ZNF483: variants seen among roughly 807,000 people sequenced by gnomAD.
The protein encoded by ZNF483 is zinc finger protein 483.
A neutral mutation model predicts 28.6 loss-of-function variants in ZNF483; 9 were observed. The ratio of observed to expected loss-of-function variants is 0.32; its 90% confidence interval spans 0.19 to 0.55. The LOEUF is 0.55. Among genes scored for constraint, ZNF483 ranks in the 20% least tolerant of loss-of-function variants. ZNF483 has a pLI of 0.93. For missense variants in ZNF483, 675 were observed against 871.7 expected (o/e 0.77, Z 2.84); for synonymous variants, 322 against 306.2 (o/e 1.05, Z -0.54).
chr9:111,543,793 T>A lies in ZNF483; in HGVS notation c.*623T>A. ...TTTTTTTTCTTTTTTTTTTTTCAAT[T>A]TTTCTTTTTTGGGATGGAGTCTCAC... On this transcript the variant is annotated 3_prime_UTR_variant, in exon 6 of 6. Coordinates refer to ENST00000309235, the MANE Select transcript of ZNF483 (RefSeq NM_133464.5). 1 of 941,584 alleles carries A rather than the reference T, an allele frequency of 1.1e-6. No individual in the cohort carries two copies. Among genetic ancestry groups the A allele is most frequent in the Non-Finnish European group, 1.3e-6 (1 of 790,484 alleles). The allele number at this position is 941,584 out of a possible 1,614,324, so 58.3% of individuals were successfully genotyped here.
At chr9:111,572,453 G>A (rs747737027) in intron 5 of ZNF483, among the ~76,000 whole-genome samples, 13 of 152,138 alleles carry the variant, frequency 8.5e-5, no homozygotes, top group Admixed American at 6.6e-5. Flanking sequence ...AGTCAGGCGT[G>A]ACGATTTGTG....
At position 111,543,581 on chromosome 9, in the gene ZNF483, C is replaced by T. The variant is rs7853000; in HGVS notation, c.*411C>T. ...ATTTGACCTTTCAGAATTTTATTTT[C>T]GTCACCAGCAGAATGAAGGGATGGG... is the stretch of plus-strand genomic sequence containing the variant. On this transcript the variant is annotated 3_prime_UTR_variant, in exon 6 of 6. Coordinates refer to ENST00000309235, the MANE Select transcript of ZNF483 (RefSeq NM_133464.5). The T allele has an allele frequency of 8.4e-4, 835 of 989,166 alleles. 3 individuals carry two copies. The African/African-American group carries it at 0.012, about 14-fold the overall frequency. 61.3% of individuals were successfully genotyped at this position (989,166 alleles called of 1,614,324 possible). A position where few individuals can be genotyped will look rare whatever the true frequency, so the allele number is the denominator to read the frequency against.
Position 111,554,435 on chromosome 9 carries a change from C to T in ZNF483, c.*11265C>T, listed in dbSNP as rs1828062182. Reference sequence around the variant, plus strand: ...TAGATTATTTCTACCACAGTCTGTTCTTTCGGTCACCAAACTCTTTCTTCC... The same window carrying T: ...TAGATTATTTCTACCACAGTCTGTTTTTTCGGTCACCAAACTCTTTCTTCC... On this transcript the variant is annotated 3_prime_UTR_variant, in exon 6 of 6. Transcript: ENST00000309235. 6.6e-6 allele frequency among the ~76,000 whole-genome samples: 1 copy of T among 152,212 alleles called. No homozygotes were observed. The highest frequency in any genetic ancestry group is 2.1e-4 in the South Asian group (1 of 4,834).
downstream of ZNF483, among the ~76,000 whole-genome samples, chr9:111,557,046 G>A (rs569503029): frequency 2.6e-5 from 4 of 152,292 alleles, no homozygotes; most frequent in Admixed American, 6.5e-5. Context: ...AAGGGCTGCC[G>A]CGAAGATCTC....
chr9:111,551,400 G>GTTTT lies in ZNF483; in HGVS notation c.*8252_*8255dup, dbSNP rs58638722. ...TAACTGAATCAAGTATCCAGTTTTT[G>GTTTT]TTTTTTTTTTTTTTTTTTTTTTTTT... On this transcript the variant is annotated 3_prime_UTR_variant, in exon 6 of 6. Transcript: ENST00000309235. 0.018 allele frequency among the ~76,000 whole-genome samples: 1,336 copies of GTTTT among 73,944 alleles called. 1 individual carries two copies. Among genetic ancestry groups the GTTTT allele is most frequent in the Middle Eastern group, 0.048 (3 of 62 alleles). The allele number at this position is 73,944 out of a possible 152,430, so 48.5% of individuals were successfully genotyped here. A position where few individuals can be genotyped will look rare whatever the true frequency, so the allele number is the denominator to read the frequency against.
At position 111,552,433 on chromosome 9, in the gene ZNF483, A is replaced by G. The variant is rs181945325; in HGVS notation, c.*9263A>G. ...CAAATATTTTCAGTATGTATCATGC[A>G]ATAGAATAGAGCAATGAGGGAAAAG... is the stretch of plus-strand genomic sequence containing the variant. On this transcript the variant is annotated 3_prime_UTR_variant, in exon 6 of 6. Coordinates refer to ENST00000309235, the MANE Select transcript of ZNF483 (RefSeq NM_133464.5). 7.0e-4 allele frequency among the ~76,000 whole-genome samples: 106 copies of G among 152,332 alleles called. No individual in the cohort carries two copies. The highest frequency in any genetic ancestry group is 2.5e-3 in the African/African-American group (102 of 41,586).
Position 111,533,826 on chromosome 9 carries a change from G to A in ZNF483, c.589G>A (p.Glu197Lys), listed in dbSNP as rs1390816494. 5.0e-6 allele frequency: 8 copies of A among 1,593,864 alleles called. No individual in the cohort carries two copies. Among genetic ancestry groups the A allele is most frequent in the Non-Finnish European group, 6.8e-6 (8 of 1,175,114 alleles). Residue 197 changes from glutamate (E) to lysine (K), a missense_variant, in exon 4 of 6, where the codon GAA becomes AAA. Glu to Lys is a moderately conservative substitution (Grantham distance 56, BLOSUM62 1). Around this residue, in one of 6 missense-constraint regions of ZNF483, gnomAD observed 525 missense variants for 581.8 expected, o/e 0.90. Transcript: ENST00000309235. ...LEPFQKELYK[E>K]VLLENLRNLE... ...GCCTTTTCAAAAGGAGCTATATAAG[G>A]AAGTGCTACTGGAAAACCTCAGGAA... is the stretch of plus-strand genomic sequence containing the variant.
chr9:111,566,032 T>C (rs1450270309), intron 5 of ZNF483, among the ~76,000 whole-genome samples: 1 of 151,846 alleles, frequency 6.6e-6, no homozygotes, highest in Non-Finnish European at 1.5e-5. Flanking sequence ...GCCAACATCG[T>C]GAAACCCCAT....
chr9:111,557,388 AGAT>A (rs1019737024), downstream of ZNF483, among the ~76,000 whole-genome samples: 1 of 151,920 alleles, frequency 6.6e-6, no homozygotes, highest in African/African-American at 2.4e-5. Context: ...AAAAAAAAAA[AGAT>A]GACTTGAACA....
intron 5 of ZNF483, chr9:111,563,274 T>C: frequency 6.4e-7 from 1 of 1,561,392 alleles, no homozygotes; most frequent in African/African-American, 1.4e-5. Flanking sequence ...AATTTAATAT[T>C]CTCAATGATA....
chr9:111,528,962 A>G (rs770014272), intron 2 of ZNF483, among the ~76,000 whole-genome samples: 2 of 152,090 alleles, frequency 1.3e-5, no homozygotes, highest in Non-Finnish European at 2.9e-5. Context: ...CCATACCAAC[A>G]TGGAGAAACC....
chr9:111,576,405 G>C (rs774230862), exon 6 of ZNF483: 1 of 1,614,142 alleles, frequency 6.2e-7, no homozygotes, highest in Non-Finnish European at 8.5e-7. Context: ...TGTTCTCTGA[G>C]GCTGAATAAG....
Position 111,525,183 on chromosome 9 carries a change from T to C in ZNF483, c.-208T>C, listed in dbSNP as rs2132202704. The C allele has an allele frequency of 6.6e-6, 1 of 152,410 alleles. No homozygotes were observed. Among genetic ancestry groups the C allele is most frequent in the East Asian group, 1.9e-4 (1 of 5,180 alleles). 9.4% of individuals were successfully genotyped at this position (152,410 alleles called of 1,614,324 possible). A position where few individuals can be genotyped will look rare whatever the true frequency, so the allele number is the denominator to read the frequency against. ...CGCAGGCGCAGTGGTTCCCGCAGGC[T>C]TGCGCGCGCACTCGCTGCGGGACAA... is the stretch of plus-strand genomic sequence containing the variant. On this transcript the variant is annotated 5_prime_UTR_variant, in exon 1 of 6. Coordinates refer to ENST00000309235, the MANE Select transcript of ZNF483 (RefSeq NM_133464.5).
chr9:111,550,099 G>T lies in ZNF483; in HGVS notation c.*6929G>T, dbSNP rs1019302300. Among the ~76,000 whole-genome samples the T allele has an allele frequency of 6.6e-6, 1 of 152,032 alleles. No individual in the cohort carries two copies. The highest frequency in any genetic ancestry group is 1.5e-5 in the Non-Finnish European group (1 of 68,016). On this transcript the variant is annotated 3_prime_UTR_variant, in exon 6 of 6. Transcript: ENST00000309235. Reference sequence around the variant, plus strand: ...TTTTTGTTTTCGTTTTTGTTTTACTGTCATAGGCTGTCTCTGTGCTAGGGA... The same window carrying T: ...TTTTTGTTTTCGTTTTTGTTTTACTTTCATAGGCTGTCTCTGTGCTAGGGA...
chr9:111,539,516 C>T, intron 5 of ZNF483: 1 of 452,920 alleles, frequency 2.2e-6, no homozygotes. Flanking sequence ...GTAATCCCAG[C>T]ACTTTGGGAG....
At chr9:111,529,514 C>T (rs1438501965) in intron 2 of ZNF483, among the ~76,000 whole-genome samples, 1 of 152,210 alleles carries the variant, frequency 6.6e-6, no homozygotes, top group African/African-American at 2.4e-5. Context: ...ACTCTTGAGA[C>T]TAACCTGGTG....
In ZNF483 at chr9:111,545,218, T is replaced by G. The variant is rs1827779507; in HGVS notation, c.*2048T>G. On this transcript the variant is annotated 3_prime_UTR_variant, in exon 6 of 6. Transcript: ENST00000309235. ...GAGAATCATTCATAATGGTTTTAAG[T>G]TTTTTTCTGAAAAGACAGAAAACTT... Among the ~76,000 whole-genome samples, 1 of 152,180 alleles carries G rather than the reference T, an allele frequency of 6.6e-6. No homozygotes were observed. Among genetic ancestry groups the G allele is most frequent in the South Asian group, 2.1e-4 (1 of 4,830 alleles).
chr9:111,569,892 G>T (rs561472809), intron 5 of ZNF483: 2 of 816,200 alleles, frequency 2.5e-6, no homozygotes, highest in South Asian at 1.8e-5. Context: ...CAGTGGAAAT[G>T]AACTTTAGAG....
intron 5 of ZNF483, among the ~76,000 whole-genome samples, chr9:111,537,502 A>G (rs758084400): frequency 1.4e-4 from 22 of 152,282 alleles, no homozygotes; most frequent in Non-Finnish European, 2.9e-4. Context: ...CGTGAGCCAC[A>G]GCGCCTGGCC....
Sources: gnomAD v4.1 joint callset for allele counts (sites outside exome capture counted in the v4.1 genomes callset) on GRCh38, gnomAD v4.1.1 for gene constraint, gnomAD v4.1.1 regional missense constraint, MANE v1.5 for transcripts, NCBI Gene and HGNC (gene_info 2026-07-23, HGNC 2026-07-21) for gene names.